SCNN1B: variants seen among roughly 807,000 people sequenced by gnomAD.
SCNN1B encodes epithelial sodium channel subunit beta.
Under a neutral mutation model 65.3 loss-of-function variants are expected in SCNN1B, and 46 were observed. That is an observed-to-expected ratio of 0.70 (90% confidence interval 0.56 to 0.90). The LOEUF is 0.90. SCNN1B is among the 40% of genes least tolerant of loss of function. The pLI, the probability that SCNN1B is intolerant of heterozygous loss-of-function variation, is 0.00. For synonymous variants in SCNN1B, 349 were observed against 330.6 expected, an observed-to-expected ratio of 1.06 and a Z score of -0.60; for missense variants, 751 against 830.5, an observed-to-expected ratio of 0.90 and a Z score of 1.18.
intron 11 of SCNN1B, among the ~76,000 whole-genome samples, chr16:23,379,282 C>G (rs750589643): frequency 1.5e-4 from 23 of 152,220 alleles, no homozygotes; most frequent in South Asian, 1.5e-3. Flanking sequence ...AACACAAACA[C>G]TAGTTGAGCA....
intron 1 of SCNN1B, among the ~76,000 whole-genome samples, chr16:23,309,981 A>C (rs1376068103): frequency 1.3e-5 from 2 of 152,174 alleles, no homozygotes; most frequent in Non-Finnish European, 2.9e-5. Flanking sequence ...AGGACTATTA[A>C]GGAGGCCCCA....
At chr16:23,350,772 G>T (rs1050198428) in intron 2 of SCNN1B, among the ~76,000 whole-genome samples, 10 of 152,096 alleles carry the variant, frequency 6.6e-5, no homozygotes, top group Admixed American at 6.5e-4. Flanking sequence ...AATTAGCCGG[G>T]TGTGCTGGCA....
At chr16:23,323,166 C>A (rs1363659461) in intron 1 of SCNN1B, among the ~76,000 whole-genome samples, 1 of 151,846 alleles carries the variant, frequency 6.6e-6, no homozygotes, top group African/African-American at 2.4e-5. Context: ...GCACTGCACT[C>A]CAGCCTGGGT....
chr16:23,359,563 C>A (rs1226522719), intron 4 of SCNN1B, among the ~76,000 whole-genome samples: 1 of 152,200 alleles, frequency 6.6e-6, no homozygotes, highest in Non-Finnish European at 1.5e-5. Context: ...TGCCTCTCTG[C>A]TCTCCCGGTG....
At chr16:23,351,605 T>G (rs1596862996) in intron 2 of SCNN1B, among the ~76,000 whole-genome samples, 1 of 152,218 alleles carries the variant, frequency 6.6e-6, no homozygotes, top group African/African-American at 2.4e-5. Flanking sequence ...CAGCATTTAA[T>G]GCTCCTGCAG....
intron 1 of SCNN1B, among the ~76,000 whole-genome samples, chr16:23,313,913 G>A (rs1335297158): frequency 6.6e-6 from 1 of 152,138 alleles, no homozygotes; most frequent in East Asian, 1.9e-4. Context: ...CCGGCCAGCA[G>A]CATTTTTTAA....
At chr16:23,372,019 G>A (rs932406947) in intron 7 of SCNN1B, 136 bp downstream of exon 7, 84 of 722,968 alleles carry the variant, frequency 1.2e-4, no homozygotes, top group Non-Finnish European at 1.8e-4. Context: ...GGGGCACCCC[G>A]GGCCTGTGGG....
intron 3 of SCNN1B, among the ~76,000 whole-genome samples, chr16:23,354,047 G>T (rs547201549): frequency 2.6e-5 from 4 of 152,228 alleles, no homozygotes; most frequent in Admixed American, 2.6e-4. Context: ...CCCCAGATGG[G>T]GAGCCACTGC....
At chr16:23,357,115 C>T (rs1394803465) in intron 4 of SCNN1B, among the ~76,000 whole-genome samples, 1 of 152,234 alleles carries the variant, frequency 6.6e-6, no homozygotes, top group Non-Finnish European at 1.5e-5. Flanking sequence ...AATGCTCACA[C>T]TTCAGGCCTC....
At chr16:23,290,635 T>C (rs1960909504) in intron 2 of SCNN1B, among the ~76,000 whole-genome samples, 1 of 152,196 alleles carries the variant, frequency 6.6e-6, no homozygotes, top group Admixed American at 6.5e-5. Flanking sequence ...GCCCCATAAC[T>C]GTTGACTTCT....
intron 3 of SCNN1B, among the ~76,000 whole-genome samples, chr16:23,354,108 A>C (rs1227181314): frequency 6.6e-6 from 1 of 151,662 alleles, no homozygotes; most frequent in Non-Finnish European, 1.5e-5. Context: ...CTTTATCCCC[A>C]CCTCTCCACA....
chr16:23,293,114 CAAAA>C (rs1191618996), intron 2 of SCNN1B, among the ~76,000 whole-genome samples: 20 of 34,174 alleles, frequency 5.9e-4, no homozygotes, highest in Non-Finnish European at 7.6e-4. Flanking sequence ...GACTCATTCT[CAAAA>C]AAAAAAAAAA....
intron 1 of SCNN1B, among the ~76,000 whole-genome samples, chr16:23,309,541 G>A (rs937360291): frequency 5.9e-5 from 9 of 152,186 alleles, no homozygotes; most frequent in Middle Eastern, 3.2e-3. Flanking sequence ...AAGCCAGTCC[G>A]AGCCCCAAAA....
intron 2 of SCNN1B, among the ~76,000 whole-genome samples, chr16:23,292,913 G>A (rs1329831398): frequency 4.0e-5 from 6 of 150,038 alleles, no homozygotes; most frequent in Non-Finnish European, 7.4e-5. Context: ...TCAGGAGTTC[G>A]AGACCAGCCC....
intron 6 of SCNN1B, 42 bp downstream of exon 6, chr16:23,371,504 T>G: frequency 6.2e-7 from 1 of 1,602,836 alleles, no homozygotes; most frequent in Non-Finnish European, 8.5e-7. Flanking sequence ...GGTCTGAGGG[T>G]GGGAGCCCAC....
intron 1 of SCNN1B, among the ~76,000 whole-genome samples, chr16:23,319,045 GT>G (rs35383135): frequency 0.39 from 55,631 of 142,520 alleles, 11,735 homozygotes; most frequent in African/African-American, 0.61. Flanking sequence ...TGTTTGTTTT[GT>G]TTTTTTTTTT....
intron 1 of SCNN1B, among the ~76,000 whole-genome samples, chr16:23,343,190 C>A (rs941860506): frequency 6.6e-6 from 1 of 152,122 alleles, no homozygotes; most frequent in Non-Finnish European, 1.5e-5. Context: ...CATGGTGGCT[C>A]ATGCCTGTAA....
intron 4 of SCNN1B, among the ~76,000 whole-genome samples, chr16:23,367,633 A>AT (rs1258841934): frequency 6.6e-6 from 1 of 152,212 alleles, no homozygotes; most frequent in Non-Finnish European, 1.5e-5. Context: ...GCCAAACCAG[A>AT]GAGCCTGAGC....
intron 1 of SCNN1B, among the ~76,000 whole-genome samples, chr16:23,313,707 G>A (rs1045042790): frequency 2.0e-5 from 3 of 152,208 alleles, no homozygotes; most frequent in African/African-American, 7.2e-5. Flanking sequence ...TGCCTCTTGG[G>A]TTCAAGCCAT....
Sources: allele counts gnomAD v4.1 joint callset (sites outside exome capture counted in the v4.1 genomes callset), GRCh38; gene constraint gnomAD v4.1.1; transcripts MANE v1.5; gene names NCBI Gene and HGNC (gene_info 2026-07-23, HGNC 2026-07-21).